The following CDH18 variants were observed in gnomAD, a reference collection of about 807,000 sequenced individuals.
CDH18 encodes cadherin-18.
A neutral mutation model predicts 67.9 loss-of-function variants in CDH18; 31 were observed. The ratio of observed to expected loss-of-function variants is 0.46; its 90% confidence interval spans 0.34 to 0.62. CDH18 has a LOEUF of 0.62. CDH18 is among the 20% of genes least tolerant of loss of function. CDH18 has a pLI of 0.01. For missense variants in CDH18, 890 were observed against 975.5 expected (o/e 0.91, Z 1.17); for synonymous variants, 362 against 347.2 (o/e 1.04, Z -0.48).
chr5:20,426,750 C>CA (rs1748331879), intron 1 of CDH18, among the ~76,000 whole-genome samples: 1 of 151,006 alleles, frequency 6.6e-6, no homozygotes, highest in Non-Finnish European at 1.5e-5. Context: ...ATTATTGAAA[C>CA]TTTTTCAAAT....
chr5:19,527,442 A>G (rs1747912913), intron 9 of CDH18, among the ~76,000 whole-genome samples: 1 of 151,628 alleles, frequency 6.6e-6, no homozygotes, highest in Admixed American at 6.6e-5. Context: ...TTTTTTAAAT[A>G]TATTATTTAA....
At chr5:19,768,862 CAAAAT>C (rs1262022197) in intron 3 of CDH18, among the ~76,000 whole-genome samples, 1 of 151,416 alleles carries the variant, frequency 6.6e-6, no homozygotes, top group East Asian at 1.9e-4. Flanking sequence ...AAATCAATAA[CAAAAT>C]AAACATTATA....
At chr5:20,132,490 T>G (rs1309801900) in intron 2 of CDH18, among the ~76,000 whole-genome samples, 1 of 152,128 alleles carries the variant, frequency 6.6e-6, no homozygotes, top group Non-Finnish European at 1.5e-5. Context: ...AATTTTGTTG[T>G]TGTTTTTGTT....
chr5:19,516,619 T>G (rs967084329), intron 10 of CDH18, among the ~76,000 whole-genome samples: 2 of 152,200 alleles, frequency 1.3e-5, no homozygotes, highest in African/African-American at 4.8e-5. Context: ...CTTCTAGATT[T>G]TCTAGTTTAT....
chr5:20,472,288 A>G (rs1021527697), intron 1 of CDH18, among the ~76,000 whole-genome samples: 1 of 152,144 alleles, frequency 6.6e-6, no homozygotes, highest in Non-Finnish European at 1.5e-5. Context: ...AGGTTTTTAA[A>G]TTATTTGTAT....
chr5:20,109,487 T>C (rs888475450), intron 2 of CDH18, among the ~76,000 whole-genome samples: 2 of 152,304 alleles, frequency 1.3e-5, no homozygotes, highest in Admixed American at 6.5e-5. Flanking sequence ...CAACACTCTA[T>C]GCCCCAGAGG....
At chr5:19,713,310 G>T (rs946935977) in intron 5 of CDH18, among the ~76,000 whole-genome samples, 1 of 151,972 alleles carries the variant, frequency 6.6e-6, no homozygotes, top group Non-Finnish European at 1.5e-5. Flanking sequence ...TTACTCTCCT[G>T]GTAGCAGCTG....
intron 2 of CDH18, among the ~76,000 whole-genome samples, chr5:20,012,038 G>C (rs1737486604): frequency 6.6e-6 from 1 of 151,844 alleles, no homozygotes; most frequent in Non-Finnish European, 1.5e-5. Flanking sequence ...TGTACATCTG[G>C]TGGAATTCAG....
intron 8 of CDH18, among the ~76,000 whole-genome samples, chr5:19,557,025 C>T (rs1387952905): frequency 1.3e-5 from 2 of 152,026 alleles, no homozygotes; most frequent in Non-Finnish European, 2.9e-5. Context: ...AATTTTTTAT[C>T]CAGCAAAACT....
chr5:20,335,707 G>GT (rs1739660316), intron 1 of CDH18, among the ~76,000 whole-genome samples: 1 of 152,082 alleles, frequency 6.6e-6, no homozygotes, highest in Admixed American at 6.5e-5. Flanking sequence ...TTTCACTGCT[G>GT]TATTTTCAGA....
chr5:20,011,388 T>C lies in CDH18; in HGVS notation c.-517-19374A>G, dbSNP rs142451380. Among the ~76,000 whole-genome samples, 395 of 152,268 alleles carry C rather than the reference T, an allele frequency of 2.6e-3. 2 individuals carry two copies. Among genetic ancestry groups the C allele is most frequent in the Non-Finnish European group, 3.2e-3 (216 of 68,012 alleles). On this transcript the variant is annotated intron_variant, in intron 2 of 14. Coordinates refer to the CDH18 transcript ENST00000507958. ...ATGGAGTTTTCTACATATGGGATCA[T>C]GTCATCTGCAAACAGGGATAGTTTG... is the stretch of plus-strand genomic sequence containing the variant.
intron 1 of CDH18, among the ~76,000 whole-genome samples, chr5:20,303,572 C>T (rs1256616020): frequency 1.3e-5 from 2 of 152,046 alleles, no homozygotes; most frequent in Non-Finnish European, 2.9e-5. Flanking sequence ...CGTCGCAGCC[C>T]GGTTCATTTG....
chr5:19,688,720 G>T (rs955455462), intron 5 of CDH18, among the ~76,000 whole-genome samples: 1 of 151,742 alleles, frequency 6.6e-6, no homozygotes, highest in Non-Finnish European at 1.5e-5. Flanking sequence ...CCAGAAAAAA[G>T]AATTCAAAAT....
chr5:19,935,376 C>T (rs1048077170), intron 2 of CDH18, among the ~76,000 whole-genome samples: 4 of 151,284 alleles, frequency 2.6e-5, no homozygotes, highest in Non-Finnish European at 3.0e-5. Flanking sequence ...ACCAACAGAC[C>T]ACTTATATGA....
intron 2 of CDH18, among the ~76,000 whole-genome samples, chr5:19,863,607 C>T (rs1271587618): frequency 2.0e-5 from 3 of 152,126 alleles, no homozygotes; most frequent in African/African-American, 7.2e-5. Flanking sequence ...CCATGCTCAG[C>T]CCCCACTAAG....
chr5:19,839,265 T>C, intron 2 of CDH18, 23 bp from the exon 3 acceptor site: 1 of 383,218 alleles, frequency 2.6e-6, no homozygotes, highest in Non-Finnish European at 4.8e-6. Context: ...GAAAATTATA[T>C]GTGTTACAAA....
chr5:19,885,855 G>C (rs1357121943), intron 2 of CDH18, among the ~76,000 whole-genome samples: 1 of 152,142 alleles, frequency 6.6e-6, no homozygotes, highest in East Asian at 1.9e-4. Flanking sequence ...AAATTAAAAG[G>C]AATGTGTTTA....
chr5:19,636,918 T>C (rs1375910706), intron 5 of CDH18, among the ~76,000 whole-genome samples: 1 of 152,122 alleles, frequency 6.6e-6, no homozygotes, highest in Admixed American at 6.5e-5. Flanking sequence ...TAACAATGGA[T>C]TTACCTTTTA....
chr5:20,418,106 C>G (rs1336010125), intron 1 of CDH18, among the ~76,000 whole-genome samples: 1 of 151,830 alleles, frequency 6.6e-6, no homozygotes, highest in Non-Finnish European at 1.5e-5. Flanking sequence ...CAGACTCTTG[C>G]TGTTGTCGGC....
Sources: gnomAD v4.1 joint callset for allele counts (sites outside exome capture counted in the v4.1 genomes callset) on GRCh38, gnomAD v4.1.1 for gene constraint, MANE v1.5 for transcripts, NCBI Gene and HGNC (gene_info 2026-07-23, HGNC 2026-07-21) for gene names.